PLEKHA3: variants seen among roughly 807,000 people sequenced by gnomAD.
The protein encoded by PLEKHA3 is pleckstrin homology domain containing A3, also known as pleckstrin homology domain-containing family A member 3.
PLEKHA3 carries 19 observed loss-of-function variants against 39.2 expected under a neutral mutation model. The observed-to-expected ratio is 0.48, with a 90% CI of 0.34 to 0.71. PLEKHA3 has a LOEUF of 0.71. Among genes scored for constraint, PLEKHA3 ranks in the 30% least tolerant of loss-of-function variants. The probability of loss-of-function intolerance (pLI) is 0.01; values close to 1 mark genes in which losing one functional copy is unlikely to be tolerated. For missense variants in PLEKHA3, 253 were observed against 359.5 expected, an observed-to-expected ratio of 0.70 and a Z score of 2.40; for synonymous variants, 97 against 118.6, an observed-to-expected ratio of 0.82 and a Z score of 1.18.
At chr2:178,503,050 C>T (rs1439484906) in intron 7 of PLEKHA3, among the ~76,000 whole-genome samples, 1 of 151,982 alleles carries the variant, frequency 6.6e-6, no homozygotes, top group African/African-American at 2.4e-5. Context: ...TGAGATGCAA[C>T]TGCTTCTATT....
intron 2 of PLEKHA3, among the ~76,000 whole-genome samples, chr2:178,488,349 A>G (rs2154127643): frequency 6.6e-6 from 1 of 152,288 alleles, no homozygotes; most frequent in South Asian, 2.1e-4. Context: ...CCAATTTGTT[A>G]ATTTCTTTTA....
At chr2:178,483,664 G>A (rs926666636) in intron 1 of PLEKHA3, among the ~76,000 whole-genome samples, 4 of 152,126 alleles carry the variant, frequency 2.6e-5, no homozygotes, top group Non-Finnish European at 2.9e-5. Context: ...ACCACCCCCT[G>A]CTTATAATTT....
chr2:178,490,624 C>G, intron 2 of PLEKHA3, 35 bp from the exon 3 acceptor site: 2 of 1,592,572 alleles, frequency 1.3e-6, no homozygotes, highest in Non-Finnish European at 8.6e-7. Flanking sequence ...TTACTTAAGT[C>G]TATAACTGTA....
At chr2:178,499,091 C>G in intron 5 of PLEKHA3, 120 bp from the exon 6 acceptor site, 1 of 859,838 alleles carries the variant, frequency 1.2e-6, no homozygotes, top group East Asian at 3.0e-5. Flanking sequence ...TTTTTTTTTG[C>G]CAGTTATCTT....
At chr2:178,482,539 CGAGATCCTGTCTCA>C (rs1363940918) in intron 1 of PLEKHA3, among the ~76,000 whole-genome samples, 1 of 132,646 alleles carries the variant, frequency 7.5e-6, no homozygotes, top group Admixed American at 8.2e-5. Flanking sequence ...GCTAACAGAG[CGAGATCCTGTCTCA>C]AAAAAAAAAA....
At chr2:178,484,845 C>T (rs1037902892) in intron 1 of PLEKHA3, among the ~76,000 whole-genome samples, 13 of 152,178 alleles carry the variant, frequency 8.5e-5, no homozygotes, top group African/African-American at 2.2e-4. Context: ...TCATCCTTGT[C>T]GTCAGCTTTG....
In PLEKHA3 at chr2:178,510,181, G is replaced by A. The variant is rs1021941082; in HGVS notation, c.*6294G>A. 6.6e-6 allele frequency: 1 copy of A among 152,282 alleles called. No individual in the cohort carries two copies. Among genetic ancestry groups the A allele is most frequent in the South Asian group, 2.1e-4 (1 of 4,830 alleles). 9.4% of individuals were successfully genotyped at this position (152,282 alleles called of 1,614,324 possible). On this transcript the variant is annotated 3_prime_UTR_variant, in exon 8 of 8. Coordinates refer to ENST00000234453, the MANE Select transcript of PLEKHA3 (RefSeq NM_019091.4). ...TGAGCCACCGTGCCCAGCCGACCCTGCATTTAACTAGACTTCATATGAAAT... is the reference window on the plus strand; with the variant it reads ...TGAGCCACCGTGCCCAGCCGACCCTACATTTAACTAGACTTCATATGAAAT...
chr2:178,492,827 G>A (rs1685373902), intron 3 of PLEKHA3, among the ~76,000 whole-genome samples: 1 of 152,102 alleles, frequency 6.6e-6, no homozygotes, highest in Non-Finnish European at 1.5e-5. Context: ...GGAGATGGAT[G>A]GTGGTGATGA....
Position 178,485,735 on chromosome 2 carries a change from G to C in PLEKHA3, c.135G>C (p.Lys45Asn). The C allele has an allele frequency of 1.2e-6, 2 of 1,612,602 alleles. No individual in the cohort carries two copies. Among genetic ancestry groups the C allele is most frequent in the Non-Finnish European group, 1.7e-6 (2 of 1,178,716 alleles). ...DVCKGSKGSI[K>N]MAVCEIKVHS... ...GCAAAGGGAGCAAAGGAAGCATAAAGATGGCAGTTTGTGAAATTAAAGGTA... is the reference window on the plus strand; with the variant it reads ...GCAAAGGGAGCAAAGGAAGCATAAACATGGCAGTTTGTGAAATTAAAGGTA... Residue 45 changes from lysine to asparagine, a missense_variant, in exon 2 of 8, where the codon AAG (lysine) becomes AAC (asparagine). Physicochemically the swap from Lys to Asn is moderately conservative, Grantham distance 94. Coordinates refer to ENST00000234453, the MANE Select transcript of PLEKHA3 (RefSeq NM_019091.4).
Position 178,493,956 on chromosome 2 carries a change from C to T in PLEKHA3, c.417C>T (p.His139=). 6.2e-7 allele frequency: 1 copy of T among 1,613,954 alleles called. No individual in the cohort carries two copies. The highest frequency in any genetic ancestry group is 8.5e-7 in the Non-Finnish European group (1 of 1,179,918). The part of the protein sequence containing the change: ...QQVHTIQEFV[H]HDENHSSPSA... ...TTCATACAATACAGGAATTTGTTCA[C>T]CATGATGAGAATCATTCATCTCCTA... is the stretch of plus-strand genomic sequence containing the variant. The change falls in exon 4 of 8, where the codon CAC becomes CAT. Residue 139 remains histidine (H), a synonymous_variant. Transcript: ENST00000234453.
intron 1 of PLEKHA3, 117 bp from the exon 2 acceptor site, chr2:178,485,524 G>A (rs1417657900): frequency 1.1e-5 from 8 of 699,288 alleles, no homozygotes; most frequent in Admixed American, 4.6e-5. Flanking sequence ...TTTCATTATC[G>A]GAATGTTATT....
intron 1 of PLEKHA3, among the ~76,000 whole-genome samples, chr2:178,483,306 T>G (rs1243799397): frequency 6.6e-6 from 1 of 151,820 alleles, no homozygotes; most frequent in Non-Finnish European, 1.5e-5. Flanking sequence ...AGTAAGAATT[T>G]CAGTAACATT....
At chr2:178,494,594 T>G (rs952266655) in intron 4 of PLEKHA3, among the ~76,000 whole-genome samples, 3 of 152,164 alleles carry the variant, frequency 2.0e-5, no homozygotes, top group Non-Finnish European at 4.4e-5. Flanking sequence ...CCTTCTCCTG[T>G]TGGGGAGGAA....
chr2:178,495,473 C>G (rs1207984434), intron 4 of PLEKHA3, 23 bp from the exon 5 acceptor site: 2 of 1,612,690 alleles, frequency 1.2e-6, no homozygotes, highest in Admixed American at 1.7e-5. Context: ...CAAATCTGTT[C>G]AAGTCTTTGT....
chr2:178,486,368 G>A (rs998998647), intron 2 of PLEKHA3, among the ~76,000 whole-genome samples: 1 of 152,172 alleles, frequency 6.6e-6, no homozygotes, highest in Non-Finnish European at 1.5e-5. Flanking sequence ...TAAAATGGCA[G>A]TGAAAAGGAC....
chr2:178,489,884 G>A (rs1202297189), intron 2 of PLEKHA3, among the ~76,000 whole-genome samples: 1 of 152,130 alleles, frequency 6.6e-6, no homozygotes, highest in East Asian at 1.9e-4. Context: ...TGTTTTTGGT[G>A]TGTCAGTTTG....
chr2:178,496,851 C>T (rs751422443), intron 5 of PLEKHA3, among the ~76,000 whole-genome samples: 5 of 152,052 alleles, frequency 3.3e-5, no homozygotes, highest in Non-Finnish European at 5.9e-5. Context: ...GTGCACACCA[C>T]GGTGCCTGGC....
rs1162812406 is a variant in PLEKHA3, at chr2:178,515,560, G to C, written c.*11673G>C. ...AGAAAATAATCACTTGGGAATGGCG[G>C]TGAGTTCAGGGGGTCTGTTAACCAT... On this transcript the variant is annotated 3_prime_UTR_variant, in exon 8 of 8. Coordinates refer to ENST00000234453, the MANE Select transcript of PLEKHA3 (RefSeq NM_019091.4). 3 of 152,106 alleles carry C rather than the reference G, an allele frequency of 2.0e-5. No homozygotes were observed. In the East Asian group the frequency reaches 5.8e-4, roughly 29 times the overall value. 9.4% of individuals were successfully genotyped at this position (152,106 alleles called of 1,614,324 possible).
chr2:178,503,762 C>G lies in PLEKHA3; in HGVS notation c.778C>G (p.Pro260Ala), dbSNP rs960578819. The change falls in exon 8 of 8, where the codon CCT becomes GCT. Residue 260 changes from proline (P) to alanine (A), a missense_variant and splice_region_variant. Pro to Ala is a conservative substitution (Grantham distance 27, BLOSUM62 -1). Around this residue, in one of 2 missense-constraint regions of PLEKHA3, gnomAD observed 127 missense variants for 136.8 expected, o/e 0.93. Coordinates refer to ENST00000234453, the MANE Select transcript of PLEKHA3 (RefSeq NM_019091.4). Reference protein sequence around the residue: ...SDIPLEDPDRPVHCSKNTLNG... With the variant: ...SDIPLEDPDRAVHCSKNTLNG... Reference sequence around the variant, plus strand: ...CGTTTTTATCAATGTCTTCATAGGACCTGTTCACTGTTCAAAAAATACACT... The same window carrying G: ...CGTTTTTATCAATGTCTTCATAGGAGCTGTTCACTGTTCAAAAAATACACT... 2.0e-5 allele frequency: 33 copies of G among 1,610,930 alleles called. No homozygotes were observed. The highest frequency in any genetic ancestry group is 2.7e-5 in the Non-Finnish European group (32 of 1,177,784).
Sources: gnomAD v4.1 joint callset for allele counts (sites outside exome capture counted in the v4.1 genomes callset) on GRCh38, gnomAD v4.1.1 for gene constraint, gnomAD v4.1.1 regional missense constraint, MANE v1.5 for transcripts, NCBI Gene and HGNC (gene_info 2026-07-23, HGNC 2026-07-21) for gene names.